The following FAM107B variants were observed in gnomAD, a reference collection of about 807,000 sequenced individuals.
FAM107B encodes the protein protein FAM107B.
FAM107B carries 21 observed loss-of-function variants against 31.5 expected under a neutral mutation model. The ratio of observed to expected loss-of-function variants is 0.67; its 90% CI spans 0.47 to 0.96. The LOEUF (loss-of-function observed/expected upper bound fraction) is 0.96, where lower values mean the gene tolerates loss of function less well. Among genes scored for constraint, FAM107B ranks in the 40% least tolerant of loss-of-function variants. The pLI, the probability that FAM107B is intolerant of heterozygous loss-of-function variation, is 0.00. For missense variants in FAM107B, 452 were observed against 377.1 expected (o/e 1.20, Z -1.64); for synonymous variants, 157 against 141.5 (o/e 1.11, Z -0.78).
Position 14,701,696 on chromosome 10 carries a change from G to C in FAM107B, c.412-34005C>G, listed in dbSNP as rs148138214. Among the ~76,000 whole-genome samples the C allele has an allele frequency of 2.6e-5, 4 of 151,868 alleles. No homozygotes were observed. In the East Asian group the frequency reaches 7.7e-4, roughly 29 times the overall value. The stretch of plus-strand genomic sequence containing the variant: ...GGAAACCAGAAAGAATGCAATGACC[G>C]GCCCTAGGCAAAGAGTTGTTTTTTT... On this transcript the variant is annotated intron_variant, in intron 1 of 4. Coordinates refer to ENST00000181796, the MANE Select transcript of FAM107B (RefSeq NM_031453.4).
intron 2 of FAM107B, among the ~76,000 whole-genome samples, chr10:14,625,405 A>G (rs1203319449): frequency 6.6e-6 from 1 of 151,632 alleles, no homozygotes; most frequent in Non-Finnish European, 1.5e-5. Flanking sequence ...AGTCCCAAAC[A>G]CCTCTCCAGA....
chr10:14,602,605 C>G (rs1452489154), intron 2 of FAM107B: 1 of 152,194 alleles, frequency 6.6e-6, no homozygotes, highest in Non-Finnish European at 1.5e-5. Context: ...ATTCCTTGTT[C>G]CACAAACAAG....
rs370966768 is a variant in FAM107B, at chr10:14,756,783, T to C, written c.411+17470A>G. ...ACCTAAATGCCCATCAATGATAGAC[T>C]AGATAAGAAAATGTGGTATATATGC... On this transcript the variant is annotated intron_variant, in intron 1 of 4. Transcript: ENST00000181796. Among the ~76,000 whole-genome samples, 334 of 152,214 alleles carry C rather than the reference T, an allele frequency of 2.2e-3. 4 individuals carry two copies. In the South Asian group the frequency reaches 0.028, roughly 13 times the overall value.
At chr10:14,698,281 G>C (rs1855315433) in intron 1 of FAM107B, among the ~76,000 whole-genome samples, 1 of 152,158 alleles carries the variant, frequency 6.6e-6, no homozygotes, top group Admixed American at 6.5e-5. Flanking sequence ...AATCTACTGA[G>C]GTCCATTCCT....
chr10:14,601,798 T>C (rs1410969895), intron 2 of FAM107B, among the ~76,000 whole-genome samples: 3 of 152,242 alleles, frequency 2.0e-5, no homozygotes, highest in African/African-American at 7.2e-5. Flanking sequence ...ATATTCCTCA[T>C]CTTTCCTCTT....
intron 1 of FAM107B, among the ~76,000 whole-genome samples, chr10:14,696,409 T>G (rs943078435): frequency 5.3e-5 from 8 of 152,196 alleles, no homozygotes; most frequent in African/African-American, 1.9e-4. Flanking sequence ...TATTGAGGAT[T>G]TTTGCATCAG....
chr10:14,765,259 TAA>T (rs989496819), intron 1 of FAM107B, among the ~76,000 whole-genome samples: 41 of 152,350 alleles, frequency 2.7e-4, no homozygotes, highest in African/African-American at 7.7e-4. Flanking sequence ...GCTTGGAATA[TAA>T]GTCGATGCCT....
At chr10:14,523,206 G>T (rs1238855587) in intron 3 of FAM107B, among the ~76,000 whole-genome samples, 3 of 152,204 alleles carry the variant, frequency 2.0e-5, no homozygotes, top group African/African-American at 7.2e-5. Context: ...CAGAATGCTG[G>T]ATTATCCAGC....
chr10:14,524,815 T>C (rs1846052799), intron 3 of FAM107B, among the ~76,000 whole-genome samples: 1 of 152,238 alleles, frequency 6.6e-6, no homozygotes, highest in Non-Finnish European at 1.5e-5. Context: ...ACTTCAACTA[T>C]TATTCAATTC....
intron 3 of FAM107B, chr10:14,527,947 C>CT (rs568817282): frequency 4.9e-4 from 125 of 255,428 alleles, no homozygotes; most frequent in African/African-American, 2.9e-3. Flanking sequence ...CTTGAAAACT[C>CT]TTAAGAGATA....
intron 2 of FAM107B, chr10:14,554,180 T>C (rs914497955): frequency 1.6e-5 from 16 of 984,728 alleles, no homozygotes; most frequent in Non-Finnish European, 1.6e-5. Context: ...TATCTCCTTT[T>C]CCTCTACCCT....
chr10:14,573,352 C>T (rs911903305), intron 2 of FAM107B, among the ~76,000 whole-genome samples: 1 of 152,082 alleles, frequency 6.6e-6, no homozygotes, highest in Admixed American at 6.5e-5. Context: ...TTCCACCTTC[C>T]ACCATGGGAT....
At chr10:14,639,131 A>G (rs1233406533) in intron 2 of FAM107B, among the ~76,000 whole-genome samples, 1 of 152,134 alleles carries the variant, frequency 6.6e-6, no homozygotes, top group Non-Finnish European at 1.5e-5. Flanking sequence ...GAGGTCAAGG[A>G]TGCAGTGAGC....
chr10:14,542,080 C>A (rs557458447), intron 2 of FAM107B, among the ~76,000 whole-genome samples: 1 of 151,952 alleles, frequency 6.6e-6, no homozygotes, highest in Admixed American at 6.6e-5. Context: ...CAAGTAGAAA[C>A]CCCATCTCTA....
chr10:14,754,463 T>C (rs371158797), intron 1 of FAM107B, among the ~76,000 whole-genome samples: 61 of 152,262 alleles, frequency 4.0e-4, no homozygotes, highest in African/African-American at 1.4e-3. Context: ...AGAAAGTCCA[T>C]GAGTTTTTCT....
intron 2 of FAM107B, among the ~76,000 whole-genome samples, chr10:14,636,103 A>C (rs1853491713): frequency 6.6e-6 from 1 of 152,162 alleles, no homozygotes; most frequent in Non-Finnish European, 1.5e-5. Flanking sequence ...AAATTCCTGG[A>C]GCACAACTAC....
In FAM107B at chr10:14,745,209, T is replaced by C. The variant is rs563869748; in HGVS notation, c.411+29044A>G. ...TCTTCTCTCTTTTCTTCTTTGTTAG[T>C]CTAGTTAGTGGTCTATTTCATTATT... On this transcript the variant is annotated intron_variant, in intron 1 of 4. Coordinates refer to ENST00000181796, the MANE Select transcript of FAM107B (RefSeq NM_031453.4). Among the ~76,000 whole-genome samples the C allele has an allele frequency of 1.1e-3, 168 of 152,286 alleles. 1 individual carries two copies. The highest frequency in any genetic ancestry group is 4.1e-3 in the Admixed American group (63 of 15,296).
intron 1 of FAM107B, among the ~76,000 whole-genome samples, chr10:14,742,437 A>G (rs1832636035): frequency 6.6e-6 from 1 of 152,182 alleles, no homozygotes; most frequent in African/African-American, 2.4e-5. Flanking sequence ...TTTTGATGTC[A>G]GATGATGCTA....
intron 1 of FAM107B, among the ~76,000 whole-genome samples, chr10:14,773,651 A>AT (rs34402424): frequency 0.4 from 61,194 of 151,892 alleles, 15,143 homozygotes; most frequent in African/African-American, 0.68. Flanking sequence ...CAGTGGCACC[A>AT]TTTTTTTTAA....
Sources: allele counts gnomAD v4.1 joint callset (sites outside exome capture counted in the v4.1 genomes callset), GRCh38; gene constraint gnomAD v4.1.1; transcripts MANE v1.5; gene names NCBI Gene and HGNC (gene_info 2026-07-23, HGNC 2026-07-21).